The following DNAJC1 variants were observed in gnomAD, a reference collection of about 807,000 sequenced individuals.
The protein encoded by DNAJC1 is DnaJ heat shock protein family (Hsp40) member C1.
In DNAJC1, 58 loss-of-function variants were observed where a neutral mutation model predicts 76.6. The observed-to-expected ratio is 0.76, with a 90% confidence interval of 0.61 to 0.94. The LOEUF is 0.94. DNAJC1 is among the 40% of genes least tolerant of loss of function. DNAJC1 has a pLI of 0.00. For synonymous variants in DNAJC1, 258 were observed against 267.9 expected (o/e 0.96, Z 0.36); for missense variants, 689 against 677.3 (o/e 1.02, Z -0.19).
intron 8 of DNAJC1, among the ~76,000 whole-genome samples, chr10:21,871,336 C>T (rs1407890130): frequency 6.7e-5 from 8 of 119,262 alleles, no homozygotes; most frequent in African/African-American, 1.0e-4. Context: ...TATGTAGAAG[C>T]GGGGAAAAAA....
In DNAJC1 at chr10:21,759,565, T is replaced by C. The variant is rs1834217377; in HGVS notation, c.1201A>G (p.Lys401Glu). ...KSTVQNSRPIKTATTLPDDMI... is the reference protein window; with the variant it reads ...KSTVQNSRPIETATTLPDDMI... ...TCATCGGGCAAGGTGGTGGCCGTTT[T>C]GATGGGCCTGGAATTCTGAACTGTC... The change falls in exon 11 of 12, where the codon AAA becomes GAA. Residue 401 changes from lysine to glutamate, a missense_variant. By Grantham distance (56) the Lys-to-Glu change is moderately conservative (BLOSUM62 1). Coordinates refer to ENST00000376980, the MANE Select transcript of DNAJC1 (RefSeq NM_022365.4). 2 of 1,614,138 alleles carry C rather than the reference T, an allele frequency of 1.2e-6. No homozygotes were observed. The highest frequency in any genetic ancestry group is 1.3e-5 in the African/African-American group (1 of 75,040).
intron 9 of DNAJC1, chr10:21,803,877 A>C (rs1189987243): frequency 6.1e-6 from 6 of 975,964 alleles, no homozygotes; most frequent in African/African-American, 5.3e-5. Flanking sequence ...AAAAAAAAAA[A>C]CCCAAAAAAC....
chr10:21,860,456 G>A (rs1328170473), intron 8 of DNAJC1, among the ~76,000 whole-genome samples: 1 of 152,082 alleles, frequency 6.6e-6, no homozygotes, highest in African/African-American at 2.4e-5. Context: ...ACTTTGGGAG[G>A]CTAAAGCAGG....
intron 8 of DNAJC1, among the ~76,000 whole-genome samples, chr10:21,855,829 G>A (rs1481305999): frequency 3.9e-5 from 5 of 128,146 alleles, no homozygotes; most frequent in Non-Finnish European, 3.2e-5. Flanking sequence ...GTGTTGTTAA[G>A]ACATAGGGAA....
chr10:21,979,277 T>C (rs908030356), intron 1 of DNAJC1, among the ~76,000 whole-genome samples: 3 of 152,036 alleles, frequency 2.0e-5, no homozygotes, highest in Admixed American at 2.0e-4. Context: ...AATCTCTGAG[T>C]GCAGCTCAAG....
intron 7 of DNAJC1, among the ~76,000 whole-genome samples, chr10:21,882,865 T>C (rs1027899788): frequency 6.6e-6 from 1 of 152,186 alleles, no homozygotes; most frequent in Non-Finnish European, 1.5e-5. Context: ...TGGTATACAT[T>C]TATTTTTCAA....
intron 1 of DNAJC1, among the ~76,000 whole-genome samples, chr10:21,950,641 C>A (rs186053329): frequency 6.6e-6 from 1 of 152,278 alleles, no homozygotes; most frequent in Admixed American, 6.5e-5. Context: ...ACAGCTAGGC[C>A]TCTTGCACCA....
intron 8 of DNAJC1, among the ~76,000 whole-genome samples, chr10:21,834,437 C>T (rs572218522): frequency 2.2e-4 from 34 of 152,294 alleles, no homozygotes; most frequent in South Asian, 2.1e-3. Flanking sequence ...ACTGAGGTAC[C>T]GGGTTCATCT....
intron 8 of DNAJC1, among the ~76,000 whole-genome samples, chr10:21,854,850 T>G (rs764948719): frequency 2.0e-5 from 3 of 152,148 alleles, no homozygotes; most frequent in Non-Finnish European, 4.4e-5. Flanking sequence ...TGTAGAAAAT[T>G]TCTAAGAAAA....
intron 8 of DNAJC1, among the ~76,000 whole-genome samples, chr10:21,858,506 T>C (rs1007524939): frequency 6.6e-6 from 1 of 152,100 alleles, no homozygotes; most frequent in Non-Finnish European, 1.5e-5. Flanking sequence ...TAAGACAAGG[T>C]TTCATGGAAG....
At chr10:21,894,363 G>A (rs1051725819) in intron 7 of DNAJC1, among the ~76,000 whole-genome samples, 1 of 152,168 alleles carries the variant, frequency 6.6e-6, no homozygotes, top group Non-Finnish European at 1.5e-5. Context: ...TTCAGGTCAC[G>A]AGTTCGAGAC....
intron 9 of DNAJC1, among the ~76,000 whole-genome samples, chr10:21,769,003 C>G (rs1042913875): frequency 6.6e-6 from 1 of 152,292 alleles, no homozygotes; most frequent in Non-Finnish European, 1.5e-5. Flanking sequence ...TTCTATTCCA[C>G]TTGGCATTCA....
intron 1 of DNAJC1, among the ~76,000 whole-genome samples, chr10:21,937,390 CA>C (rs1005356739): frequency 6.6e-6 from 1 of 151,918 alleles, no homozygotes; most frequent in African/African-American, 2.4e-5. Flanking sequence ...TATTTAACGA[CA>C]AAAAGGTCAA....
chr10:21,919,984 T>C (rs1590049223), intron 4 of DNAJC1, 55 bp from the exon 5 acceptor site: 2 of 1,120,508 alleles, frequency 1.8e-6, no homozygotes, highest in East Asian at 2.4e-5. Context: ...ACACTTCAAA[T>C]GTTATCTAGG....
intron 1 of DNAJC1, among the ~76,000 whole-genome samples, chr10:21,990,229 G>C (rs1008710368): frequency 1.3e-5 from 2 of 152,022 alleles, no homozygotes; most frequent in African/African-American, 4.8e-5. Flanking sequence ...ATAAACCCTG[G>C]GAATTGTATA....
chr10:21,809,660 CTAA>C (rs1466467821), intron 8 of DNAJC1, among the ~76,000 whole-genome samples: 1 of 151,596 alleles, frequency 6.6e-6, no homozygotes, highest in Non-Finnish European at 1.5e-5. Context: ...GATTGGATGT[CTAA>C]TAATCTAATT....
At chr10:21,991,735 A>T (rs6650130) in intron 1 of DNAJC1, among the ~76,000 whole-genome samples, 105,046 of 152,110 alleles carry the variant, frequency 0.69, 36,600 homozygotes, top group East Asian at 0.96. Context: ...AGGCATATTT[A>T]AGCACTTAAA....
chr10:21,991,691 A>G (rs1167253178), intron 1 of DNAJC1, among the ~76,000 whole-genome samples: 3 of 152,232 alleles, frequency 2.0e-5, no homozygotes, highest in Non-Finnish European at 4.4e-5. Context: ...TTAATTCCCT[A>G]AGGCTATCCA....
intron 7 of DNAJC1, among the ~76,000 whole-genome samples, chr10:21,904,038 A>G (rs1163870743): frequency 2.0e-5 from 3 of 152,210 alleles, no homozygotes; most frequent in Non-Finnish European, 4.4e-5. Context: ...TTTGTGTTCA[A>G]TGGAAGATTT....
Sources: gnomAD v4.1 joint callset for allele counts (sites outside exome capture counted in the v4.1 genomes callset) on GRCh38, gnomAD v4.1.1 for gene constraint, MANE v1.5 for transcripts, NCBI Gene and HGNC (gene_info 2026-07-23, HGNC 2026-07-21) for gene names.